CUBN: variants seen among roughly 807,000 people sequenced by gnomAD.
The protein encoded by CUBN is cubilin.
In CUBN, 282 loss-of-function variants were observed where a neutral mutation model predicts 405.3. The ratio of observed to expected loss-of-function variants is 0.70; its 90% confidence interval spans 0.63 to 0.77. The LOEUF (loss-of-function observed/expected upper bound fraction) is 0.77. CUBN is among the 30% of genes least tolerant of loss of function. CUBN has a pLI of 0.00. For synonymous variants in CUBN, 1,684 were observed against 1,617.0 expected (o/e 1.04, Z -0.99); for missense variants, 4,514 against 4,475.2 (o/e 1.01, Z -0.25).
chr10:16,867,362 T>A (rs896969247), intron 59 of CUBN, among the ~76,000 whole-genome samples: 1 of 152,214 alleles, frequency 6.6e-6, no homozygotes, highest in African/African-American at 2.4e-5. Context: ...CAGTCAAAGC[T>A]ATTCTTATTG....
chr10:17,110,310 G>A (rs192053645), intron 9 of CUBN, among the ~76,000 whole-genome samples: 96 of 152,268 alleles, frequency 6.3e-4, no homozygotes, highest in Non-Finnish European at 9.7e-4. Flanking sequence ...CAAATTATTC[G>A]TGAGGGCAAT....
chr10:16,937,748 C>T lies in CUBN; in HGVS notation c.5770G>A (p.Gly1924Arg). 6.2e-7 allele frequency: 1 copy of T among 1,613,956 alleles called. No individual in the cohort carries two copies. Among genetic ancestry groups the T allele is most frequent in the Non-Finnish European group, 8.5e-7 (1 of 1,179,974 alleles). ...DGPSIHARLIGAYCGTQTESF... is the reference protein window; with the variant it reads ...DGPSIHARLIRAYCGTQTESF... The stretch of plus-strand genomic sequence containing the variant: ...TCAGTCTGGGTACCACAGTAAGCTC[C>T]AATTAGGCGGGCGTGAATGCTAGGC... Residue 1924 changes from glycine to arginine, a missense_variant, in exon 39 of 67, where the codon GGA (glycine) becomes AGA (arginine). Around this residue, in one of 5 missense-constraint regions of CUBN, gnomAD observed 1,613 missense variants for 1,542.8 expected, o/e 1.05. Coordinates refer to ENST00000377833, the MANE Select transcript of CUBN (RefSeq NM_001081.4).
intron 31 of CUBN, among the ~76,000 whole-genome samples, chr10:16,969,482 G>A (rs535049119): frequency 5.3e-5 from 8 of 152,092 alleles, no homozygotes; most frequent in Non-Finnish European, 1.0e-4. Context: ...AGCCTCCCGA[G>A]TAGCTGGGAC....
chr10:16,929,183 A>G (rs975896319), intron 40 of CUBN, among the ~76,000 whole-genome samples: 23 of 152,136 alleles, frequency 1.5e-4, no homozygotes, highest in Non-Finnish European at 2.9e-4. Flanking sequence ...ACAACCACAC[A>G]TTTGTGTGGA....
Position 17,117,149 on chromosome 10 carries a change from G to A in CUBN, c.594-1552C>T, listed in dbSNP as rs1289491951. Reference sequence around the variant, plus strand: ...CCCCCCATAGACATTTATATTCCCCGCATCTCTCTCTACTTTCCTTCTCAT... The same window carrying A: ...CCCCCCATAGACATTTATATTCCCCACATCTCTCTCTACTTTCCTTCTCAT... On this transcript the variant is annotated intron_variant, in intron 6 of 66. Transcript: ENST00000377833. 3.4e-5 allele frequency among the ~76,000 whole-genome samples: 5 copies of A among 149,068 alleles called. No individual in the cohort carries two copies. The South Asian group carries it at 6.4e-4, about 19-fold the overall frequency.
intron 36 of CUBN, among the ~76,000 whole-genome samples, chr10:16,945,961 T>C (rs1256243694): frequency 6.6e-6 from 1 of 152,050 alleles, no homozygotes; most frequent in African/African-American, 2.4e-5. Flanking sequence ...ACAAATAGGA[T>C]AGTTGTCCCA....
At position 16,937,594 on chromosome 10, in the gene CUBN, G is replaced by T. The variant is rs41289303; in HGVS notation, c.5924C>A (p.Pro1975Gln). Residue 1975 changes from proline (P) to glutamine (Q), a missense_variant and splice_region_variant, in exon 39 of 67, where the codon CCA (proline) becomes CAA (glutamine). Pro to Gln is a moderately conservative substitution (Grantham distance 76). Transcript: ENST00000377833. ...APDGVLPTIA[P>Q]GACGGFLRTG... ...ACTTCATTTATTACCAAACACACCT[G>T]GAGCAATGGTAGGTAAAACACCATC... The T allele has an allele frequency of 6.2e-7, 1 of 1,613,064 alleles. No homozygotes were observed.
At chr10:17,115,400 T>C in intron 7 of CUBN, 71 bp downstream of exon 7, 1 of 1,595,284 alleles carries the variant, frequency 6.3e-7, no homozygotes, top group Non-Finnish European at 8.6e-7. Context: ...TTGTATGCAG[T>C]GGGCATAGGA....
chr10:16,952,450 A>C, intron 32 of CUBN, 61 bp from the exon 33 acceptor site: 2 of 1,024,010 alleles, frequency 2.0e-6, no homozygotes, highest in East Asian at 4.8e-5. Flanking sequence ...GACCGTACAA[A>C]ACAATTATTT....
chr10:16,875,616 T>C (rs1028523423), intron 57 of CUBN, among the ~76,000 whole-genome samples: 1 of 152,202 alleles, frequency 6.6e-6, no homozygotes, highest in African/African-American at 2.4e-5. Context: ...GTGAATTACA[T>C]GTCAGATAAG....
At chr10:16,975,798 T>G (rs2131680808) in intron 31 of CUBN, among the ~76,000 whole-genome samples, 1 of 151,174 alleles carries the variant, frequency 6.6e-6, no homozygotes, top group African/African-American at 2.4e-5. Flanking sequence ...ACCCAGCTAG[T>G]TTTTGTATTT....
Position 16,900,655 on chromosome 10 carries a change from A to G in CUBN, c.8380T>C (p.Phe2794Leu), listed in dbSNP as rs761595270. Residue 2794 changes from phenylalanine (F) to leucine (L), a missense_variant, in exon 53 of 67, where the codon TTT becomes CTT. Phe to Leu is a conservative substitution (Grantham distance 22). Transcript: ENST00000377833. ...GTTTGTGTGTTCCACGTAGCATAAA[A>G]TCCACCACCTTGCAATGAATGGTCT... is the stretch of plus-strand genomic sequence containing the variant. ...NSDHSLQGGG[F>L]YATWNTQTLG... 3 of 1,614,044 alleles carry G rather than the reference A, an allele frequency of 1.9e-6. No homozygotes were observed. Among genetic ancestry groups the G allele is most frequent in the African/African-American group, 1.3e-5 (1 of 74,944 alleles).
At chr10:17,073,073 T>G (rs1835775953) in intron 17 of CUBN, among the ~76,000 whole-genome samples, 1 of 152,198 alleles carries the variant, frequency 6.6e-6, no homozygotes, top group Non-Finnish European at 1.5e-5. Flanking sequence ...TAAGCCATCC[T>G]CAAACATAGA....
intron 14 of CUBN, among the ~76,000 whole-genome samples, chr10:17,099,090 A>G (rs1311094910): frequency 6.6e-6 from 1 of 152,172 alleles, no homozygotes; most frequent in Non-Finnish European, 1.5e-5. Flanking sequence ...CTTTGAAAAG[A>G]ACAAAGTTGA....
Position 16,899,052 on chromosome 10 carries a change from C to G in CUBN, c.8542G>C (p.Asp2848His). The G allele has an allele frequency of 6.2e-7, 1 of 1,613,744 alleles. No individual in the cohort carries two copies. Among genetic ancestry groups the G allele is most frequent in the Non-Finnish European group, 8.5e-7 (1 of 1,179,646 alleles). ...HKSKHLEISFDNNFLIPSGDG... is the reference protein window; with the variant it reads ...HKSKHLEISFHNNFLIPSGDG... ...CCGCTGGGGATTAGGAAGTTGTTGT[C>G]AAAGCTGATCTCCAAGTGTTTACTT... Residue 2848 changes from aspartate (D) to histidine (H), a missense_variant, in exon 54 of 67, where the codon GAC becomes CAC. This residue lies in a region of CUBN where 1,186 missense variants were observed against 1,186.9 expected (regional missense o/e 1.00). Coordinates refer to ENST00000377833, the MANE Select transcript of CUBN (RefSeq NM_001081.4).
intron 22 of CUBN, among the ~76,000 whole-genome samples, chr10:17,049,382 T>A (rs982081680): frequency 6.6e-6 from 1 of 152,204 alleles, no homozygotes; most frequent in Non-Finnish European, 1.5e-5. Flanking sequence ...TGTTCTTGCT[T>A]ACTCACTGTA....
chr10:16,937,257 T>G (rs779209125), intron 39 of CUBN, among the ~76,000 whole-genome samples: 1 of 151,722 alleles, frequency 6.6e-6, no homozygotes, highest in Non-Finnish European at 1.5e-5. Flanking sequence ...AACTAACTGA[T>G]TGTGTGTGTG....
At chr10:16,996,031 C>T (rs1833726270) in intron 28 of CUBN, among the ~76,000 whole-genome samples, 1 of 152,088 alleles carries the variant, frequency 6.6e-6, no homozygotes, top group Non-Finnish European at 1.5e-5. Context: ...CGATCCTGAC[C>T]TCCACTTCTG....
At chr10:17,020,033 T>A in intron 27 of CUBN, 50 bp from the exon 28 acceptor site, 1 of 1,606,864 alleles carries the variant, frequency 6.2e-7, no homozygotes, top group Non-Finnish European at 8.5e-7. Flanking sequence ...GTTTGTGGGA[T>A]GGAAAAATCC....
Sources: allele counts gnomAD v4.1 joint callset (sites outside exome capture counted in the v4.1 genomes callset), GRCh38; gene constraint gnomAD v4.1.1; regional missense constraint gnomAD v4.1.1; transcripts MANE v1.5; gene names NCBI Gene and HGNC (gene_info 2026-07-23, HGNC 2026-07-21).